The following DYNAP variants were observed in gnomAD, a reference collection of about 807,000 sequenced individuals.
DYNAP encodes dynactin-associated protein.
Under a neutral mutation model 8.5 loss-of-function variants are expected in DYNAP, and 7 were observed. That is an observed-to-expected ratio of 0.82 (90% CI 0.47 to 1.54). DYNAP has a LOEUF of 1.54. Among genes scored for constraint, DYNAP ranks in the 40% most tolerant of loss-of-function variants. The probability of loss-of-function intolerance (pLI) is 0.01; values close to 1 mark genes in which losing one functional copy is unlikely to be tolerated. For synonymous variants in DYNAP, 77 were observed against 77.9 expected (o/e 0.99, Z 0.06); for missense variants, 256 against 224.3 (o/e 1.14, Z -0.90).
chr18:54,583,307 A>G (rs1165748903), upstream of DYNAP, among the ~76,000 whole-genome samples: 2 of 152,182 alleles, frequency 1.3e-5, no homozygotes, highest in Non-Finnish European at 2.9e-5. Flanking sequence ...GCCTGTCACC[A>G]TAAAAGCTAC....
the DYNAP span, among the ~76,000 whole-genome samples, chr18:54,581,305 A>C: frequency 6.6e-6 from 1 of 152,228 alleles, no homozygotes; most frequent in Non-Finnish European, 1.5e-5. Context: ...TATCTCCCAA[A>C]ATACTGAAGG....
chr18:54,593,803 A>G (rs1443629699), intron 1 of DYNAP, among the ~76,000 whole-genome samples: 1 of 152,082 alleles, frequency 6.6e-6, no homozygotes, highest in Non-Finnish European at 1.5e-5. Context: ...ATGAAGGCAT[A>G]TGCCTATAGT....
upstream of DYNAP, among the ~76,000 whole-genome samples, chr18:54,587,586 A>G (rs1218192531): frequency 6.6e-6 from 1 of 152,232 alleles, no homozygotes; most frequent in African/African-American, 2.4e-5. Flanking sequence ...TAAGATTATT[A>G]AAGACCCAAA....
chr18:54,587,640 C>G (rs1437979016), upstream of DYNAP: 1 of 370,570 alleles, frequency 2.7e-6, no homozygotes, highest in Non-Finnish European at 4.8e-6. Flanking sequence ...TAAATTTATG[C>G]CAAACATACA....
chr18:54,588,778 G>A (rs1217782780), upstream of DYNAP, among the ~76,000 whole-genome samples: 1 of 151,956 alleles, frequency 6.6e-6, no homozygotes, highest in Non-Finnish European at 1.5e-5. Context: ...TGCTAATTGT[G>A]TTGTGAAAAA....
intron 2 of DYNAP, 112 bp from the exon 3 acceptor site, chr18:54,597,699 GAC>G (rs754818875): frequency 1.2e-5 from 13 of 1,055,772 alleles, no homozygotes; most frequent in Non-Finnish European, 1.7e-5. Flanking sequence ...ATCTTTCAGA[GAC>G]ACATAGTGAC....
At chr18:54,582,829 T>C (rs1171505285), upstream of DYNAP, among the ~76,000 whole-genome samples, 1 of 152,336 alleles carries the variant, frequency 6.6e-6, no homozygotes, top group South Asian at 2.1e-4. Flanking sequence ...ACTCTTAAGC[T>C]ACCCTAGCTT....
At chr18:54,581,572 A>G in the DYNAP span, among the ~76,000 whole-genome samples, 2 of 152,230 alleles carry the variant, frequency 1.3e-5, no homozygotes. Context: ...CTGACATGCT[A>G]TATCTTACTG....
chr18:54,588,275 G>T (rs147706974), upstream of DYNAP, among the ~76,000 whole-genome samples: 1 of 150,604 alleles, frequency 6.6e-6, no homozygotes, highest in African/African-American at 2.4e-5. Flanking sequence ...AGCAGATCTC[G>T]GCTCACTGCA....
upstream of DYNAP, among the ~76,000 whole-genome samples, chr18:54,583,747 A>G (rs1395175703): frequency 1.3e-5 from 2 of 152,232 alleles, no homozygotes; most frequent in African/African-American, 4.8e-5. Context: ...GTGTTTGAAC[A>G]TGTGCTGTCA....
upstream of DYNAP, among the ~76,000 whole-genome samples, chr18:54,586,916 G>C: frequency 6.6e-6 from 1 of 152,170 alleles, no homozygotes; most frequent in Non-Finnish European, 1.5e-5. Context: ...CCTAAGGGTA[G>C]CACCTTTTCC....
chr18:54,594,882 G>A (rs1911220377), intron 1 of DYNAP, 57 bp from the exon 2 acceptor site: 2 of 1,513,892 alleles, frequency 1.3e-6, no homozygotes, highest in African/African-American at 1.4e-5. Context: ...TTTTATTTTA[G>A]CAACTCAACA....
chr18:54,580,193 T>A, the DYNAP span, among the ~76,000 whole-genome samples: 1 of 152,314 alleles, frequency 6.6e-6, no homozygotes, highest in Admixed American at 6.5e-5. Context: ...AAATTGACAG[T>A]CAGAACAGAG....
intron 1 of DYNAP, among the ~76,000 whole-genome samples, chr18:54,593,818 G>C (rs1599451085): frequency 6.6e-6 from 1 of 151,978 alleles, no homozygotes; most frequent in Non-Finnish European, 1.5e-5. Context: ...TATAGTCATT[G>C]GCTACTCAGA....
upstream of DYNAP, among the ~76,000 whole-genome samples, chr18:54,585,089 C>T (rs1405228119): frequency 6.6e-6 from 1 of 152,044 alleles, no homozygotes. Context: ...CTGGGAGGAC[C>T]ATCATATGTG....
chr18:54,593,545 A>G (rs537442385), intron 1 of DYNAP, among the ~76,000 whole-genome samples: 8 of 152,160 alleles, frequency 5.3e-5, no homozygotes, highest in African/African-American at 1.9e-4. Context: ...GTGGCCAAAG[A>G]TAACCTTGAT....
intron 1 of DYNAP, among the ~76,000 whole-genome samples, chr18:54,593,923 G>A (rs984554713): frequency 6.6e-6 from 1 of 151,950 alleles, no homozygotes; most frequent in Non-Finnish European, 1.5e-5. Flanking sequence ...TACAGAGAGA[G>A]ATCCCATCTC....
the DYNAP span, among the ~76,000 whole-genome samples, chr18:54,582,243 A>T: frequency 6.6e-6 from 1 of 152,150 alleles, no homozygotes; most frequent in East Asian, 1.9e-4. Context: ...CGGAGATCGC[A>T]TCACTGCATT....
chr18:54,582,146 C>T, the DYNAP span, among the ~76,000 whole-genome samples: 3 of 152,050 alleles, frequency 2.0e-5, no homozygotes, highest in Non-Finnish European at 2.9e-5. Flanking sequence ...ATTAGCCAAG[C>T]GTGGTGGCAG....
Sources: allele counts gnomAD v4.1 joint callset (sites outside exome capture counted in the v4.1 genomes callset), GRCh38; gene constraint gnomAD v4.1.1; transcripts MANE v1.5; gene names NCBI Gene and HGNC (gene_info 2026-07-23, HGNC 2026-07-21).